RBFOX1: variants seen among roughly 807,000 people sequenced by gnomAD.
RBFOX1 encodes RNA binding fox-1 homolog 1.
RBFOX1 carries 8 observed loss-of-function variants against 57.7 expected under a neutral mutation model. That is an observed-to-expected ratio of 0.14 (90% CI 0.08 to 0.25). The LOEUF (loss-of-function observed/expected upper bound fraction) is 0.25. Ranked by LOEUF, RBFOX1 falls within the 10% of genes least tolerant of loss-of-function variation. The pLI is 1.00. For synonymous variants in RBFOX1, 326 were observed against 222.4 expected (o/e 1.47, Z -4.15); for missense variants, 611 against 548.5 (o/e 1.11, Z -1.14).
intron 3 of RBFOX1, among the ~76,000 whole-genome samples, chr16:6,733,940 C>T (rs9646298): frequency 0.61 from 93,294 of 152,058 alleles, 32,639 homozygotes; most frequent in Non-Finnish European, 0.8. Flanking sequence ...GTCTGAATAG[C>T]ATCGTTGTCT....
intron 4 of RBFOX1, among the ~76,000 whole-genome samples, chr16:7,104,597 G>C (rs1191695200): frequency 6.6e-6 from 1 of 152,126 alleles, no homozygotes; most frequent in African/African-American, 2.4e-5. Flanking sequence ...AGTCAAGTCA[G>C]GACCTCTTGC....
chr16:6,354,351 C>T (rs2086911782), intron 2 of RBFOX1, among the ~76,000 whole-genome samples: 1 of 152,176 alleles, frequency 6.6e-6, no homozygotes, highest in Non-Finnish European at 1.5e-5. Context: ...CAGGACCCGC[C>T]TGCTCTCCAC....
chr16:7,334,839 C>T (rs1267434710), intron 4 of RBFOX1, among the ~76,000 whole-genome samples: 1 of 152,178 alleles, frequency 6.6e-6, no homozygotes, highest in Non-Finnish European at 1.5e-5. Context: ...TTGGAAAGAA[C>T]AAGTGGTCTT....
chr16:6,069,665 G>C (rs1212707227), intron 1 of RBFOX1, among the ~76,000 whole-genome samples: 1 of 152,128 alleles, frequency 6.6e-6, no homozygotes, highest in Non-Finnish European at 1.5e-5. Flanking sequence ...ATAATGAAGT[G>C]GTTATAATCT....
At chr16:5,299,872 C>G (rs146905024) in intron 1 of RBFOX1, among the ~76,000 whole-genome samples, 157 of 151,992 alleles carry the variant, frequency 1.0e-3, no homozygotes, top group Middle Eastern at 3.4e-3. Context: ...TATTCCTGAT[C>G]TTAAGGGAAA....
intron 1 of RBFOX1, among the ~76,000 whole-genome samples, chr16:5,351,797 C>T (rs2065267869): frequency 6.6e-6 from 1 of 152,022 alleles, no homozygotes; most frequent in Non-Finnish European, 1.5e-5. Context: ...CTCTAAGTCT[C>T]CATTCTTCTT....
rs567009364 is a variant in RBFOX1, at chr16:5,860,583, C to T, written c.319-6720C>T. On this transcript the variant is annotated intron_variant, in intron 3 of 19. Transcript: ENST00000641259. Reference sequence around the variant, plus strand: ...GTTATCCCCAAATGGATCATTAGGACGCAAAGTTGCCTGCAGAGATAAGCT... The same window carrying T: ...GTTATCCCCAAATGGATCATTAGGATGCAAAGTTGCCTGCAGAGATAAGCT... Among the ~76,000 whole-genome samples the T allele has an allele frequency of 4.3e-4, 66 of 152,224 alleles. 1 individual carries two copies. Among genetic ancestry groups the T allele is most frequent in the Admixed American group, 1.6e-3 (25 of 15,296 alleles).
intron 7 of RBFOX1, among the ~76,000 whole-genome samples, chr16:7,591,578 T>G (rs2094444487): frequency 6.6e-6 from 1 of 152,216 alleles, no homozygotes. Flanking sequence ...CCCCGTTATC[T>G]GCCCTACTGA....
chr16:7,002,537 C>A (rs534263780), intron 3 of RBFOX1, among the ~76,000 whole-genome samples: 1 of 152,184 alleles, frequency 6.6e-6, no homozygotes, highest in East Asian at 1.9e-4. Context: ...AATGGTGAAA[C>A]CCCGTCTCTA....
chr16:5,401,097 C>A (rs2066702039), intron 1 of RBFOX1, among the ~76,000 whole-genome samples: 1 of 151,712 alleles, frequency 6.6e-6, no homozygotes, highest in African/African-American at 2.4e-5. Flanking sequence ...ATATCTCAGG[C>A]TTTTTCTTTG....
At chr16:7,657,646 G>A (rs2066651120) in intron 12 of RBFOX1, among the ~76,000 whole-genome samples, 3 of 152,310 alleles carry the variant, frequency 2.0e-5, no homozygotes, top group Middle Eastern at 6.8e-3. Context: ...TTCCTTCCAT[G>A]TCTTGATATT....
chr16:7,207,461 C>A (rs2090223712), intron 4 of RBFOX1, among the ~76,000 whole-genome samples: 1 of 152,110 alleles, frequency 6.6e-6, no homozygotes. Flanking sequence ...TTATTAAAAC[C>A]ACATCCAGTG....
intron 4 of RBFOX1, among the ~76,000 whole-genome samples, chr16:7,215,885 C>T (rs945293441): frequency 3.3e-5 from 5 of 152,088 alleles, no homozygotes; most frequent in Non-Finnish European, 5.9e-5. Flanking sequence ...CCACGGCACC[C>T]GGCTAATTTT....
intron 3 of RBFOX1, among the ~76,000 whole-genome samples, chr16:6,967,388 C>G (rs1264193985): frequency 6.6e-6 from 1 of 152,158 alleles, no homozygotes; most frequent in Admixed American, 6.5e-5. Flanking sequence ...TTAGAGGGAG[C>G]TGAAGCCTCA....
At chr16:7,049,708 T>C (rs748825097) in intron 3 of RBFOX1, among the ~76,000 whole-genome samples, 2 of 152,112 alleles carry the variant, frequency 1.3e-5, no homozygotes, top group Non-Finnish European at 2.9e-5. Flanking sequence ...CTTGCTGCTT[T>C]TTAATTTTCA....
intron 4 of RBFOX1, among the ~76,000 whole-genome samples, chr16:7,206,620 G>C (rs1441726123): frequency 6.6e-6 from 1 of 152,088 alleles, no homozygotes; most frequent in Non-Finnish European, 1.5e-5. Context: ...TCAAGTTGAA[G>C]TGCTAAGAAT....
chr16:6,310,563 G>T (rs1481915211), intron 1 of RBFOX1, among the ~76,000 whole-genome samples: 1 of 136,268 alleles, frequency 7.3e-6, no homozygotes, highest in Non-Finnish European at 1.7e-5. Context: ...CCATTCTATG[G>T]ACAAAAAAAC....
intron 2 of RBFOX1, among the ~76,000 whole-genome samples, chr16:6,576,017 G>C (rs1422798740): frequency 6.6e-6 from 1 of 152,080 alleles, no homozygotes; most frequent in Admixed American, 6.6e-5. Context: ...AAAACTGTCA[G>C]GAGCACCTCC....
intron 2 of RBFOX1, among the ~76,000 whole-genome samples, chr16:6,566,829 A>G (rs2097273336): frequency 6.6e-6 from 1 of 152,226 alleles, no homozygotes; most frequent in African/African-American, 2.4e-5. Context: ...CTGCAGTAGC[A>G]GTCGAGACAC....
Sources: allele counts gnomAD v4.1 joint callset (sites outside exome capture counted in the v4.1 genomes callset), GRCh38; gene constraint gnomAD v4.1.1; transcripts MANE v1.5; gene names NCBI Gene and HGNC (gene_info 2026-07-23, HGNC 2026-07-21).